The following IMMP2L variants were observed in gnomAD, a reference collection of about 807,000 sequenced individuals.
IMMP2L encodes the protein mitochondrial inner membrane protease subunit 2.
A neutral mutation model predicts 19.3 loss-of-function variants in IMMP2L; 18 were observed. The ratio of observed to expected loss-of-function variants is 0.93; its 90% CI spans 0.64 to 1.38. The LOEUF (loss-of-function observed/expected upper bound fraction) is 1.38, where lower values mean the gene tolerates loss of function less well. IMMP2L is among the 40% of genes most tolerant of loss of function. IMMP2L has a pLI of 0.00. For synonymous variants in IMMP2L, 76 were observed against 73.0 expected, an observed-to-expected ratio of 1.04 and a Z score of -0.21; for missense variants, 233 against 218.2, an observed-to-expected ratio of 1.07 and a Z score of -0.43.
chr7:111,038,159 G>A (rs750292321), intron 3 of IMMP2L, among the ~76,000 whole-genome samples: 8 of 152,156 alleles, frequency 5.3e-5, no homozygotes, highest in Non-Finnish European at 1.2e-4. Flanking sequence ...TAAGAGGAGA[G>A]CCTGTGGCCA....
rs73714689 is a variant in IMMP2L, at chr7:111,207,092, G to T, written c.240-243527C>A. ...TCCTTTTGGAATATATTGTACAATAGAAAATTTTCCAGAGTCTCCATTTTA... is the reference window on the plus strand; with the variant it reads ...TCCTTTTGGAATATATTGTACAATATAAAATTTTCCAGAGTCTCCATTTTA... On this transcript the variant is annotated intron_variant, in intron 3 of 5. Coordinates refer to ENST00000405709, the MANE Select transcript of IMMP2L (RefSeq NM_032549.4). Among the ~76,000 whole-genome samples the T allele has an allele frequency of 2.0e-3, 306 of 152,282 alleles. 3 individuals are homozygous for T. The highest frequency in any genetic ancestry group is 7.0e-3 in the African/African-American group (291 of 41,554).
intron 3 of IMMP2L, among the ~76,000 whole-genome samples, chr7:111,129,865 CAT>C (rs748716963): frequency 9.2e-5 from 14 of 152,052 alleles, no homozygotes; most frequent in Non-Finnish European, 1.9e-4. Flanking sequence ...AGTCATAAAA[CAT>C]ATATCCAATT....
intron 4 of IMMP2L, among the ~76,000 whole-genome samples, chr7:110,892,345 T>C (rs1300370845): frequency 1.3e-5 from 2 of 152,062 alleles, no homozygotes; most frequent in Admixed American, 6.6e-5. Flanking sequence ...TCAACCCCAT[T>C]GAATTCCCAT....
intron 4 of IMMP2L, among the ~76,000 whole-genome samples, chr7:110,928,016 C>G (rs1298231119): frequency 6.6e-6 from 1 of 151,702 alleles, no homozygotes; most frequent in Non-Finnish European, 1.5e-5. Flanking sequence ...TATACTATCT[C>G]AAATCTATTT....
At chr7:111,404,027 G>T (rs1225816332) in intron 3 of IMMP2L, among the ~76,000 whole-genome samples, 1 of 152,066 alleles carries the variant, frequency 6.6e-6, no homozygotes, top group Non-Finnish European at 1.5e-5. Flanking sequence ...ATAACACACA[G>T]GGAGTTTTAT....
chr7:110,920,730 T>C (rs1814181915), intron 4 of IMMP2L, among the ~76,000 whole-genome samples: 1 of 152,216 alleles, frequency 6.6e-6, no homozygotes, highest in Admixed American at 6.5e-5. Context: ...ATAATAATTA[T>C]GGTTTTATTC....
intron 3 of IMMP2L, among the ~76,000 whole-genome samples, chr7:111,353,083 C>G (rs1412297878): frequency 1.3e-5 from 2 of 152,180 alleles, no homozygotes; most frequent in East Asian, 3.9e-4. Flanking sequence ...GGGACACACC[C>G]ATGACATTGT....
At chr7:111,233,201 T>C (rs923620880) in intron 3 of IMMP2L, among the ~76,000 whole-genome samples, 1 of 152,252 alleles carries the variant, frequency 6.6e-6, no homozygotes, top group Admixed American at 6.5e-5. Context: ...TTAAAATGAG[T>C]AATCCCTTTA....
intron 5 of IMMP2L, among the ~76,000 whole-genome samples, chr7:110,706,337 C>A (rs924035477): frequency 3.9e-5 from 6 of 152,276 alleles, no homozygotes; most frequent in South Asian, 2.1e-4. Context: ...CTCCAGGGCC[C>A]CAGCAATCCT....
chr7:110,807,694 T>G (rs80298712), intron 5 of IMMP2L, among the ~76,000 whole-genome samples: 2 of 152,034 alleles, frequency 1.3e-5, no homozygotes, highest in African/African-American at 4.8e-5. Context: ...TGTAAAGAAG[T>G]CTTTAAATCT....
intron 3 of IMMP2L, among the ~76,000 whole-genome samples, chr7:111,012,703 T>G (rs2129563923): frequency 6.6e-6 from 1 of 152,264 alleles, no homozygotes; most frequent in East Asian, 1.9e-4. Flanking sequence ...CACATGTTTA[T>G]AGGATCACAG....
At chr7:111,168,614 G>GATTTTAC (rs1316212761) in intron 3 of IMMP2L, among the ~76,000 whole-genome samples, 1 of 151,882 alleles carries the variant, frequency 6.6e-6, no homozygotes, top group East Asian at 1.9e-4. Flanking sequence ...TTGCTATATA[G>GATTTTAC]ATTTTACTTA....
intron 3 of IMMP2L, among the ~76,000 whole-genome samples, chr7:111,204,731 T>C (rs1015315393): frequency 6.6e-6 from 1 of 152,208 alleles, no homozygotes; most frequent in African/African-American, 2.4e-5. Flanking sequence ...TATGTTTTGC[T>C]ATCCCCCATT....
rs185459009 is a variant in IMMP2L, at chr7:110,746,311, A to G, written c.409-82590T>C. Among the ~76,000 whole-genome samples, 429 of 152,236 alleles carry G rather than the reference A, an allele frequency of 2.8e-3. 4 individuals carry two copies. Among genetic ancestry groups the G allele is most frequent in the African/African-American group, 9.7e-3 (404 of 41,544 alleles). On this transcript the variant is annotated intron_variant, in intron 5 of 5. Coordinates refer to ENST00000405709, the MANE Select transcript of IMMP2L (RefSeq NM_032549.4). ...GACTCCCACATAATAATAGTGGGAG[A>G]CTTTAATACCCCACTGTCAACATTA...
At chr7:110,804,656 G>A (rs907311452) in intron 5 of IMMP2L, among the ~76,000 whole-genome samples, 1 of 152,016 alleles carries the variant, frequency 6.6e-6, no homozygotes, top group South Asian at 2.1e-4. Flanking sequence ...TAGGATGTGC[G>A]AAAAGTGAGG....
intron 1 of IMMP2L, among the ~76,000 whole-genome samples, chr7:111,536,085 T>A (rs1038879550): frequency 6.6e-5 from 10 of 152,062 alleles, no homozygotes; most frequent in Non-Finnish European, 1.3e-4. Context: ...ATGAAAAAAA[T>A]TTGATTACTT....
intron 5 of IMMP2L, among the ~76,000 whole-genome samples, chr7:110,749,762 G>A (rs1797609138): frequency 6.6e-6 from 1 of 152,070 alleles, no homozygotes. Context: ...GGGGGCCCAG[G>A]GGAGGGATAG....
intron 3 of IMMP2L, among the ~76,000 whole-genome samples, chr7:111,468,062 T>G (rs1010459887): frequency 1.3e-4 from 20 of 152,130 alleles, no homozygotes; most frequent in African/African-American, 4.6e-4. Flanking sequence ...AGTAAATAGG[T>G]AACAATTAAA....
intron 3 of IMMP2L, among the ~76,000 whole-genome samples, chr7:111,194,775 C>T (rs1446567747): frequency 6.6e-6 from 1 of 152,108 alleles, no homozygotes; most frequent in Non-Finnish European, 1.5e-5. Context: ...GTGAGGTAGG[C>T]ATTATATCTA....
Sources: gnomAD v4.1 joint callset for allele counts (sites outside exome capture counted in the v4.1 genomes callset) on GRCh38, gnomAD v4.1.1 for gene constraint, MANE v1.5 for transcripts, NCBI Gene and HGNC (gene_info 2026-07-23, HGNC 2026-07-21) for gene names.